Variants in RAF1 observed in about 807,000 individuals in gnomAD.
RAF1 encodes Raf-1 proto-oncogene, serine/threonine kinase.
A neutral mutation model predicts 81.1 loss-of-function variants in RAF1; 27 were observed. The observed-to-expected ratio is 0.33, with a 90% CI of 0.25 to 0.46. The LOEUF is 0.46. Among genes scored for constraint, RAF1 ranks in the 20% least tolerant of loss-of-function variants. RAF1 has a pLI of 1.00. For missense variants in RAF1, 598 were observed against 826.0 expected, an observed-to-expected ratio of 0.72 and a Z score of 3.38; for synonymous variants, 298 against 294.0, an observed-to-expected ratio of 1.01 and a Z score of -0.14.
intron 1 of RAF1, among the ~76,000 whole-genome samples, chr3:12,635,611 G>T (rs1162701557): frequency 7.3e-6 from 1 of 136,494 alleles, no homozygotes; most frequent in East Asian, 2.2e-4. Context: ...ACTCCAGCCT[G>T]GGCAAAAAGA....
chr3:12,660,498 G>C (rs1344882673), intron 1 of RAF1, among the ~76,000 whole-genome samples: 1 of 151,910 alleles, frequency 6.6e-6, no homozygotes, highest in Non-Finnish European at 1.5e-5. Flanking sequence ...ATTTTTTGTA[G>C]GGACAGGTTT....
intron 13 of RAF1, 144 bp downstream of exon 12, chr3:12,590,654 T>C (rs1271031591): frequency 4.3e-6 from 4 of 925,624 alleles, no homozygotes; most frequent in Admixed American, 4.1e-5. Flanking sequence ...TCCTGATAAT[T>C]GGCCCCTCCA....
chr3:12,602,279 A>T (rs1353423552), intron 8 of RAF1, among the ~76,000 whole-genome samples: 1 of 152,256 alleles, frequency 6.6e-6, no homozygotes, highest in African/African-American at 2.4e-5. Context: ...AGTCTACTTT[A>T]AAAATGCTGA....
rs565346639 is a variant in RAF1 at position 12,653,678 on chromosome 3, G to A, written c.-27+10135C>T. On this transcript the variant is annotated intron_variant, in intron 1 of 17. Coordinates refer to ENST00000442415, the MANE Select transcript of RAF1 (RefSeq NM_001354689.3). ...GAGAATCACTTGAACCCAGGAGGCA[G>A]AGGAGAGCTGAGATCATGCCATTGC... 1.7e-4 allele frequency among the ~76,000 whole-genome samples: 26 copies of A among 152,092 alleles called. 1 individual carries two copies. The East Asian group carries it at 4.6e-3, about 27-fold the overall frequency.
rs2125416795 is a variant in RAF1, at chr3:12,608,856, C to T, written c.491G>A (p.Arg164Gln). 6.2e-7 allele frequency: 1 copy of T among 1,614,148 alleles called. No individual in the cohort carries two copies. The highest frequency in any genetic ancestry group is 8.5e-7 in the Non-Finnish European group (1 of 1,180,024). ...AAATTTGTAGCCACAAGTCTGACAT[C>T]GAAATCCATTGAGCAGGAATTTCTG... is the stretch of plus-strand genomic sequence containing the variant. The change falls in exon 5 of 18, where the codon CGA becomes CAA. Residue 164 changes from arginine (R) to glutamine (Q), a missense_variant. By Grantham distance (43) the Arg-to-Gln change is conservative. This residue lies in a region of RAF1 where 89 missense variants were observed against 169.2 expected (regional missense o/e 0.53). Transcript: ENST00000442415.
chr3:12,590,764 T>C, intron 13 of RAF1, 34 bp downstream of exon 12: 3 of 1,590,204 alleles, frequency 1.9e-6, no homozygotes, highest in Non-Finnish European at 2.6e-6. Context: ...ATTTGATGCC[T>C]GGGTCCCAGA....
At chr3:12,640,655 C>T (rs928766597) in intron 1 of RAF1, among the ~76,000 whole-genome samples, 5 of 152,084 alleles carry the variant, frequency 3.3e-5, no homozygotes, top group African/African-American at 1.2e-4. Context: ...AAATCAAAAC[C>T]ACAATGACAT....
intron 1 of RAF1, among the ~76,000 whole-genome samples, chr3:12,662,009 A>AC (rs1390665288): frequency 6.7e-6 from 1 of 148,372 alleles, no homozygotes; most frequent in Admixed American, 6.8e-5. Context: ...ACATAGTGTG[A>AC]CCCCCTCTCT....
At chr3:12,649,218 G>C (rs1455925902) in intron 1 of RAF1, among the ~76,000 whole-genome samples, 6 of 152,178 alleles carry the variant, frequency 3.9e-5, no homozygotes, top group African/African-American at 9.6e-5. Flanking sequence ...TAAGACACCT[G>C]TAAAACTGAT....
At chr3:12,626,603 G>C (rs1021145323) in intron 1 of RAF1, among the ~76,000 whole-genome samples, 1 of 149,318 alleles carries the variant, frequency 6.7e-6, no homozygotes, top group Non-Finnish European at 1.5e-5. Flanking sequence ...AAAAAAAAAG[G>C]CATTTAAAAA....
At chr3:12,584,720 C>T (rs2125318187) in intron 17 of RAF1, 63 bp from the exon 17 acceptor site, 8 of 1,613,110 alleles carry the variant, frequency 5.0e-6, no homozygotes, top group Non-Finnish European at 5.9e-6. Context: ...TGTACCCTGC[C>T]CCCCACCATC....
intron 1 of RAF1, among the ~76,000 whole-genome samples, chr3:12,631,889 T>C (rs962277579): frequency 3.3e-5 from 5 of 152,152 alleles, no homozygotes; most frequent in East Asian, 1.9e-4. Context: ...AAATTGACCT[T>C]TTTCTATTTA....
chr3:12,617,257 C>T (rs1339952179), intron 2 of RAF1, among the ~76,000 whole-genome samples: 1 of 152,138 alleles, frequency 6.6e-6, no homozygotes, highest in Non-Finnish European at 1.5e-5. Context: ...GGATTACAAA[C>T]GTGCAACACC....
chr3:12,648,844 G>A (rs1874942), intron 1 of RAF1, among the ~76,000 whole-genome samples: 90,164 of 152,112 alleles, frequency 0.59, 27,330 homozygotes, highest in East Asian at 0.92. Flanking sequence ...GCCGGATGCG[G>A]TGGCTCACGC....
chr3:12,652,724 G>C (rs1272305435), intron 1 of RAF1, among the ~76,000 whole-genome samples: 1 of 151,806 alleles, frequency 6.6e-6, no homozygotes, highest in Non-Finnish European at 1.5e-5. Context: ...GAGGCGGGTG[G>C]ATCACTTGAG....
chr3:12,645,768 T>C (rs1233382012), intron 1 of RAF1, among the ~76,000 whole-genome samples: 2 of 152,030 alleles, frequency 1.3e-5, no homozygotes, highest in Non-Finnish European at 2.9e-5. Flanking sequence ...GAGGGGGGTG[T>C]CTCACTATGT....
At chr3:12,591,436 CA>C (rs1160772097) in intron 12 of RAF1, among the ~76,000 whole-genome samples, 3 of 152,156 alleles carry the variant, frequency 2.0e-5, no homozygotes, top group Non-Finnish European at 4.4e-5. Context: ...CACCTCAAAC[CA>C]AAACCCAGAG....
At chr3:12,632,701 T>A (rs1353983096) in intron 1 of RAF1, among the ~76,000 whole-genome samples, 3 of 152,212 alleles carry the variant, frequency 2.0e-5, no homozygotes, top group Admixed American at 6.5e-5. Flanking sequence ...CTTCTGAAAT[T>A]CTTGAAACTC....
At chr3:12,591,137 T>C (rs1361135959) in intron 12 of RAF1, among the ~76,000 whole-genome samples, 163 bp from the exon 12 acceptor site, 2 of 151,866 alleles carry the variant, frequency 1.3e-5, no homozygotes, top group African/African-American at 2.4e-5. Context: ...ATAACCCGGG[T>C]GGCATTCTGA....
Sources: allele counts gnomAD v4.1 joint callset (sites outside exome capture counted in the v4.1 genomes callset), GRCh38; gene constraint gnomAD v4.1.1; regional missense constraint gnomAD v4.1.1; transcripts MANE v1.5; gene names NCBI Gene and HGNC (gene_info 2026-07-23, HGNC 2026-07-21).